Variants in CSMD2 observed in about 807,000 individuals in gnomAD.
The protein encoded by CSMD2 is CUB and Sushi multiple domains 2.
In CSMD2, 130 loss-of-function variants were observed where a neutral mutation model predicts 398.5. The observed-to-expected ratio is 0.33, with a 90% CI of 0.28 to 0.38. CSMD2 has a LOEUF of 0.38. CSMD2 is among the 10% of genes least tolerant of loss of function. The probability of loss-of-function intolerance (pLI) is 1.00; values close to 1 mark genes in which losing one functional copy is unlikely to be tolerated. For missense variants in CSMD2, 3,829 were observed against 4,764.9 expected (o/e 0.80, Z 5.78); for synonymous variants, 1,828 against 1,908.5 (o/e 0.96, Z 1.10).
rs76295527 is a variant in CSMD2 at position 33,963,313 on chromosome 1, C to T, written c.518-27359G>A. Among the ~76,000 whole-genome samples the T allele has an allele frequency of 4.8e-3, 738 of 152,314 alleles. 31 individuals are homozygous for T. In the East Asian group the frequency reaches 0.088, roughly 18 times the overall value. ...AAATACAGATGTCTGGGTTCTACTC[C>T]CAAAGATTCCGATTTATTTGGTCTT... is the stretch of plus-strand genomic sequence containing the variant. On this transcript the variant is annotated intron_variant, in intron 3 of 70. Coordinates refer to ENST00000373381, the MANE Select transcript of CSMD2 (RefSeq NM_001281956.2).
chr1:33,739,446 A>C, intron 14 of CSMD2, 112 bp from the exon 15 acceptor site: 2 of 1,015,736 alleles, frequency 2.0e-6, no homozygotes, highest in Non-Finnish European at 2.9e-6. Context: ...CCACCTCCCC[A>C]AGAACTTGCC....
rs541740536 is a variant in CSMD2, at chr1:33,838,181, C to A, written c.1033+8703G>T. Among the ~76,000 whole-genome samples, 5 of 152,322 alleles carry A rather than the reference C, an allele frequency of 3.3e-5. No individual in the cohort carries two copies. The South Asian group carries it at 1.0e-3, about 32-fold the overall frequency. On this transcript the variant is annotated intron_variant, in intron 6 of 70. Transcript: ENST00000373381. ...AAACTAGATCATTCCCCTTGCCCTG[C>A]CACTTGCCAGTCTTGCTGGCTGAAC...
At chr1:33,766,336 C>T (rs1650492005) in intron 13 of CSMD2, among the ~76,000 whole-genome samples, 1 of 152,130 alleles carries the variant, frequency 6.6e-6, no homozygotes, top group Admixed American at 6.5e-5. Flanking sequence ...TCGGGCCCAA[C>T]CATTCTAACA....
At chr1:33,543,286 C>G (rs775382647) in intron 57 of CSMD2, among the ~76,000 whole-genome samples, 2 of 152,172 alleles carry the variant, frequency 1.3e-5, no homozygotes, top group Non-Finnish European at 2.9e-5. Flanking sequence ...TTGGTTGACA[C>G]GTCTCTAAGA....
intron 15 of CSMD2, among the ~76,000 whole-genome samples, chr1:33,731,277 G>T (rs1646709115): frequency 6.6e-6 from 1 of 152,006 alleles, no homozygotes; most frequent in Admixed American, 6.6e-5. Context: ...ATGAGGACAA[G>T]TTTTCTTTAA....
chr1:33,829,898 G>A (rs919442107), intron 6 of CSMD2, among the ~76,000 whole-genome samples: 18 of 152,170 alleles, frequency 1.2e-4, no homozygotes, highest in African/African-American at 3.9e-4. Context: ...ACGGAGTGTC[G>A]CTGATTGCTA....
At chr1:33,574,298 G>T (rs1396898464) in intron 49 of CSMD2, among the ~76,000 whole-genome samples, 1 of 152,168 alleles carries the variant, frequency 6.6e-6, no homozygotes, top group African/African-American at 2.4e-5. Context: ...GCAGCAACAT[G>T]GCCAGGATTA....
At chr1:33,864,811 TGTGTG>T in intron 5 of CSMD2, 1 of 1,425,394 alleles carries the variant, frequency 7.0e-7, no homozygotes, top group Non-Finnish European at 9.6e-7. Flanking sequence ...CCTGGTCTCA[TGTGTG>T]GCATTAGAGT....
intron 2 of CSMD2, among the ~76,000 whole-genome samples, chr1:34,055,938 C>T (rs1218404299): frequency 6.6e-6 from 1 of 152,178 alleles, no homozygotes; most frequent in South Asian, 2.1e-4. Context: ...GATGGCAAGC[C>T]AACAGTCAAC....
At chr1:33,877,562 A>G (rs1178186369) in intron 5 of CSMD2, among the ~76,000 whole-genome samples, 1 of 152,168 alleles carries the variant, frequency 6.6e-6, no homozygotes, top group Non-Finnish European at 1.5e-5. Flanking sequence ...GAGGATTCAT[A>G]ATAATCACAA....
chr1:34,079,427 G>C (rs1236746224), intron 2 of CSMD2, among the ~76,000 whole-genome samples: 1 of 152,042 alleles, frequency 6.6e-6, no homozygotes, highest in Non-Finnish European at 1.5e-5. Context: ...ACAATGGCTA[G>C]TCCAAAAACA....
chr1:33,544,882 C>T (rs1460311901), intron 57 of CSMD2, among the ~76,000 whole-genome samples: 3 of 150,260 alleles, frequency 2.0e-5, no homozygotes, highest in African/African-American at 4.9e-5. Context: ...CTCACATTCA[C>T]CCTCTTTTCC....
chr1:34,151,062 G>A (rs1024429030), intron 1 of CSMD2, among the ~76,000 whole-genome samples: 1 of 152,202 alleles, frequency 6.6e-6, no homozygotes, highest in African/African-American at 2.4e-5. Context: ...CTCCCTCGAA[G>A]ATATTCTACC....
intron 51 of CSMD2, among the ~76,000 whole-genome samples, chr1:33,570,525 C>T (rs1404054790): frequency 6.6e-6 from 1 of 152,074 alleles, no homozygotes; most frequent in African/African-American, 2.4e-5. Flanking sequence ...TTCTCACTGA[C>T]CACTTCCTTC....
chr1:33,853,218 C>A (rs1638841025), intron 5 of CSMD2, among the ~76,000 whole-genome samples: 1 of 152,230 alleles, frequency 6.6e-6, no homozygotes, highest in African/African-American at 2.4e-5. Flanking sequence ...AACCACAATG[C>A]ATCATTCACC....
intron 44 of CSMD2, chr1:33,599,958 G>T (rs567322747): frequency 1.7e-6 from 1 of 593,920 alleles, no homozygotes; most frequent in East Asian, 2.8e-5. Flanking sequence ...CAGATACTGC[G>T]GAGGCTGGGT....
At chr1:33,980,822 T>A (rs989761773) in intron 3 of CSMD2, among the ~76,000 whole-genome samples, 2 of 152,186 alleles carry the variant, frequency 1.3e-5, no homozygotes, top group Non-Finnish European at 2.9e-5. Context: ...TGGAGAAGGA[T>A]AATCTGATCT....
At chr1:34,124,624 C>A (rs908780675) in intron 1 of CSMD2, among the ~76,000 whole-genome samples, 3 of 152,154 alleles carry the variant, frequency 2.0e-5, no homozygotes, top group Non-Finnish European at 4.4e-5. Context: ...TGGGGAGAAA[C>A]AAGAAGGGGT....
At chr1:33,974,012 G>T (rs1448617864) in intron 3 of CSMD2, among the ~76,000 whole-genome samples, 1 of 152,192 alleles carries the variant, frequency 6.6e-6, no homozygotes, top group East Asian at 1.9e-4. Flanking sequence ...CCTGCAAGGA[G>T]TCTGCAGAGC....
Sources: allele counts gnomAD v4.1 joint callset (sites outside exome capture counted in the v4.1 genomes callset), GRCh38; gene constraint gnomAD v4.1.1; transcripts MANE v1.5; gene names NCBI Gene and HGNC (gene_info 2026-07-23, HGNC 2026-07-21).